Variants in CHMP3 observed in about 807,000 individuals in gnomAD.
CHMP3 encodes 25.1 protein.
A neutral mutation model predicts 27.4 loss-of-function variants in CHMP3; 8 were observed. The ratio of observed to expected loss-of-function variants is 0.29; its 90% confidence interval spans 0.17 to 0.53. The LOEUF (loss-of-function observed/expected upper bound fraction) is 0.53, where lower values mean the gene tolerates loss of function less well. Among genes scored for constraint, CHMP3 ranks in the 20% least tolerant of loss-of-function variants. The pLI is 0.96. For synonymous variants in CHMP3, 86 were observed against 85.5 expected (o/e 1.01, Z -0.03); for missense variants, 208 against 271.5 (o/e 0.77, Z 1.64).
intron 1 of CHMP3, chr2:86,562,111 G>C (rs1677393993): frequency 6.6e-6 from 1 of 152,180 alleles, no homozygotes. Context: ...TAAGTTTCCT[G>C]ACGAAAATAA....
chr2:86,521,488 G>A (rs1213448739), intron 3 of CHMP3, among the ~76,000 whole-genome samples: 1 of 152,072 alleles, frequency 6.6e-6, no homozygotes, highest in Non-Finnish European at 1.5e-5. Flanking sequence ...AGTGGCATTA[G>A]GTACATTCAT....
chr2:86,539,032 T>C (rs773251142), intron 2 of CHMP3, among the ~76,000 whole-genome samples: 1 of 152,160 alleles, frequency 6.6e-6, no homozygotes, highest in Non-Finnish European at 1.5e-5. Flanking sequence ...CGAGTAAGTA[T>C]AGCCAATAGC....
chr2:86,523,182 ACCTT>A (rs1553404923), intron 3 of CHMP3, among the ~76,000 whole-genome samples: 2 of 152,012 alleles, frequency 1.3e-5, no homozygotes, highest in Non-Finnish European at 2.9e-5. Flanking sequence ...AACCTCCCAG[ACCTT>A]CCTTCCGTGT....
At position 86,563,090 on chromosome 2, in the gene CHMP3, T is replaced by A. The variant is rs558854099; in HGVS notation, c.45+214A>T. On this transcript the variant is annotated intron_variant, in intron 1 of 5. Transcript: ENST00000263856. ...GAGAAACTCTTCATCCACCCTCGGC[T>A]ACCTGTTCGAGAGCCATGGCACCAG... 109 of 539,092 alleles carry A rather than the reference T, an allele frequency of 2.0e-4. No individual in the cohort carries two copies. The South Asian group carries it at 2.9e-3, about 15-fold the overall frequency. The allele number at this position is 539,092 out of a possible 1,614,324, so 33.4% of individuals were successfully genotyped here.
chr2:86,554,814 CGCGTGTGTGT>C (rs1200925137), intron 1 of CHMP3, among the ~76,000 whole-genome samples: 18 of 138,064 alleles, frequency 1.3e-4, no homozygotes, highest in Admixed American at 1.4e-4. Flanking sequence ...TGTGTGTGCG[CGCGTGTGTGT>C]GTGTGTGTGT....
intron 3 of CHMP3, among the ~76,000 whole-genome samples, chr2:86,524,004 AATG>A (rs1389529498): frequency 6.6e-6 from 1 of 152,218 alleles, no homozygotes; most frequent in African/African-American, 2.4e-5. Context: ...TGATCATGAT[AATG>A]ATGATAATAT....
At chr2:86,549,403 TC>T in intron 1 of CHMP3, among the ~76,000 whole-genome samples, 1 of 130,418 alleles carries the variant, frequency 7.7e-6, no homozygotes. Flanking sequence ...ACTCCTCCCT[TC>T]CCAGACGGGG....
At chr2:86,561,351 C>T (rs1677352112) in intron 1 of CHMP3, among the ~76,000 whole-genome samples, 1 of 152,108 alleles carries the variant, frequency 6.6e-6, no homozygotes, top group African/African-American at 2.4e-5. Flanking sequence ...AACACAATGC[C>T]TGGTTCAATA....
At chr2:86,510,897 G>C (rs766829357) in intron 3 of CHMP3, 3 of 167,874 alleles carry the variant, frequency 1.8e-5, no homozygotes, top group Non-Finnish European at 2.6e-5. Context: ...GACAGTATCT[G>C]TTCAGTATGG....
chr2:86,535,494 A>G (rs1395151377), intron 2 of CHMP3, among the ~76,000 whole-genome samples: 2 of 151,670 alleles, frequency 1.3e-5, no homozygotes, highest in Admixed American at 6.6e-5. Context: ...AACTTATAAC[A>G]CTCTAATGTG....
rs2104734180 is a variant in CHMP3, at chr2:86,504,988, G to A, written c.*816C>T. The stretch of plus-strand genomic sequence containing the variant: ...GGTTATGATGCATGACCACACCTTA[G>A]TGTGCTCCTGGTCAGCTCCTGACTT... On this transcript the variant is annotated 3_prime_UTR_variant, in exon 6 of 6. Transcript: ENST00000263856. 1 of 152,332 alleles carries A rather than the reference G, an allele frequency of 6.6e-6. No individual in the cohort carries two copies. 9.4% of individuals were successfully genotyped at this position (152,332 alleles called of 1,614,324 possible). A position where few individuals can be genotyped will look rare whatever the true frequency, so the allele number is the denominator to read the frequency against.
chr2:86,520,168 C>T (rs953957490), intron 3 of CHMP3, among the ~76,000 whole-genome samples: 1 of 152,192 alleles, frequency 6.6e-6, no homozygotes, highest in African/African-American at 2.4e-5. Flanking sequence ...ATTTCTGTAG[C>T]ATTTTTAAAA....
intron 1 of CHMP3, chr2:86,561,573 CCA>C (rs1466641442): frequency 6.6e-6 from 1 of 152,052 alleles, no homozygotes; most frequent in African/African-American, 2.4e-5. Flanking sequence ...TCTACAATAC[CCA>C]GACTTGTCCA....
At chr2:86,523,883 G>A (rs1318315478) in intron 3 of CHMP3, among the ~76,000 whole-genome samples, 3 of 152,096 alleles carry the variant, frequency 2.0e-5, no homozygotes, top group Non-Finnish European at 2.9e-5. Flanking sequence ...ATAAGAAACT[G>A]AGAACTTTCT....
At chr2:86,524,630 G>C (rs1227578626) in intron 3 of CHMP3, among the ~76,000 whole-genome samples, 1 of 152,142 alleles carries the variant, frequency 6.6e-6, no homozygotes, top group African/African-American at 2.4e-5. Context: ...TAAGGGACTT[G>C]AACATCCACA....
At chr2:86,509,583 T>G (rs1289924247) in intron 4 of CHMP3, among the ~76,000 whole-genome samples, 1 of 152,222 alleles carries the variant, frequency 6.6e-6, no homozygotes, top group Non-Finnish European at 1.5e-5. Flanking sequence ...GCCACAGGTC[T>G]GAAGCATGAA....
At chr2:86,522,943 A>G (rs966017775) in intron 3 of CHMP3, among the ~76,000 whole-genome samples, 7 of 152,118 alleles carry the variant, frequency 4.6e-5, no homozygotes, top group African/African-American at 1.7e-4. Context: ...AGCCTGAAAT[A>G]TTTCAACTGT....
intron 1 of CHMP3, chr2:86,563,060 A>T (rs1006859263): frequency 2.2e-6 from 1 of 453,680 alleles, no homozygotes; most frequent in Admixed American, 3.7e-5. Context: ...CTCAGTGGCG[A>T]GGTGGAGAAA....
chr2:86,545,565 CT>C (rs1676550964), intron 1 of CHMP3, among the ~76,000 whole-genome samples: 1 of 122,208 alleles, frequency 8.2e-6, no homozygotes, highest in Non-Finnish European at 1.8e-5. Context: ...AGAGGCGCTC[CT>C]CACTTCCCAG....
Sources: allele counts gnomAD v4.1 joint callset (sites outside exome capture counted in the v4.1 genomes callset), GRCh38; gene constraint gnomAD v4.1.1; transcripts MANE v1.5; gene names NCBI Gene and HGNC (gene_info 2026-07-23, HGNC 2026-07-21).